Variants in ODC1 observed in about 807,000 individuals in gnomAD.
ODC1 encodes the protein ornithine decarboxylase 1, also known as ornithine decarboxylase.
In ODC1, 18 loss-of-function variants were observed where a neutral mutation model predicts 41.5. The ratio of observed to expected loss-of-function variants is 0.43; its 90% CI spans 0.30 to 0.64. The LOEUF is 0.64. ODC1 is among the 30% of genes least tolerant of loss of function. ODC1 has a pLI of 0.11. For synonymous variants in ODC1, 218 were observed against 211.6 expected (o/e 1.03, Z -0.26); for missense variants, 504 against 589.0 (o/e 0.86, Z 1.49).
rs1310325017 is a variant in ODC1 at position 10,442,014 on chromosome 2, T to G, written c.911A>C (p.Asp304Ala). 1.2e-6 allele frequency: 2 copies of G among 1,613,476 alleles called. No homozygotes were observed. Among genetic ancestry groups the G allele is most frequent in the Non-Finnish European group, 1.7e-6 (2 of 1,179,530 alleles). Reference sequence around the variant, plus strand: ...AGTGATTCGTCCTTTATACATACCATCAGAGCCCGTCTGTTCCTTTAATAC... The same window carrying G: ...AGTGATTCGTCCTTTATACATACCAGCAGAGCCCGTCTGTTCCTTTAATAC... ...KIVLKEQTGS[D>A]DEDESSEQTF... The change falls in exon 9 of 12, where the codon GAT becomes GCT. Residue 304 changes from aspartate (D) to alanine (A), a missense_variant and splice_region_variant. Asp to Ala is a moderately radical substitution (Grantham distance 126, BLOSUM62 -2). Coordinates refer to ENST00000234111, the MANE Select transcript of ODC1 (RefSeq NM_002539.3).
Position 10,444,923 on chromosome 2 carries a change from A to G in ODC1, c.102+8T>C, listed in dbSNP as rs1428399750. 1 of 1,598,502 alleles carries G rather than the reference A, an allele frequency of 6.3e-7. No homozygotes were observed. The highest frequency in any genetic ancestry group is 1.7e-5 in the Admixed American group (1 of 59,954). Reference sequence around the variant, plus strand: ...GCTGCACTGCCAGCATGGGCCTCATATACTTACAGAAGAAGAAACTTCATT... The same window carrying G: ...GCTGCACTGCCAGCATGGGCCTCATGTACTTACAGAAGAAGAAACTTCATT... On this transcript the variant is annotated splice_region_variant and intron_variant, in intron 3 of 11. Coordinates refer to ENST00000234111, the MANE Select transcript of ODC1 (RefSeq NM_002539.3).
chr2:10,447,006 A>C (rs1478825191), intron 1 of ODC1, among the ~76,000 whole-genome samples: 2 of 152,196 alleles, frequency 1.3e-5, no homozygotes, highest in African/African-American at 4.8e-5. Context: ...TATATGAAGA[A>C]TATTTACAAT....
chr2:10,442,020 C>T lies in ODC1; in HGVS notation c.905G>A (p.Gly302Asp), dbSNP rs780337355. Residue 302 changes from glycine (G) to aspartate (D), a missense_variant, in exon 9 of 12, where the codon GGC becomes GAC. Physicochemically the swap from Gly to Asp is moderately conservative, Grantham distance 94 (BLOSUM62 -1). Coordinates refer to ENST00000234111, the MANE Select transcript of ODC1 (RefSeq NM_002539.3). ...AKKIVLKEQT[G>D]SDDEDESSEQ... ...TCGTCCTTTATACATACCATCAGAG[C>T]CCGTCTGTTCCTTTAATACAATTTT... 15 of 1,613,332 alleles carry T rather than the reference C, an allele frequency of 9.3e-6. No homozygotes were observed. Among genetic ancestry groups the T allele is most frequent in the Non-Finnish European group, 1.1e-5 (13 of 1,179,570 alleles).
At chr2:10,441,288 G>A (rs1454083291) in intron 11 of ODC1, among the ~76,000 whole-genome samples, 1 of 152,148 alleles carries the variant, frequency 6.6e-6, no homozygotes, top group Non-Finnish European at 1.5e-5. Context: ...TTCAGTCACC[G>A]TTTTGGTAAT....
intron 1 of ODC1, among the ~76,000 whole-genome samples, chr2:10,446,500 C>T (rs1323573563): frequency 6.6e-6 from 1 of 152,240 alleles, no homozygotes; most frequent in African/African-American, 2.4e-5. Flanking sequence ...GGAATGCCAA[C>T]TGTCCTTACA....
In ODC1 at chr2:10,440,604, G is replaced by A. The variant is rs569903673; in HGVS notation, c.*120C>T. 10 of 946,982 alleles carry A rather than the reference G, an allele frequency of 1.1e-5. No individual in the cohort carries two copies. The highest frequency in any genetic ancestry group is 1.6e-5 in the Non-Finnish European group (10 of 634,496). 58.7% of individuals were successfully genotyped at this position (946,982 alleles called of 1,614,324 possible). A position where few individuals can be genotyped will look rare whatever the true frequency, so the allele number is the denominator to read the frequency against. On this transcript the variant is annotated 3_prime_UTR_variant, in exon 12 of 12. Coordinates refer to ENST00000234111, the MANE Select transcript of ODC1 (RefSeq NM_002539.3). Reference sequence around the variant, plus strand: ...CCATATCCTAGTCTTCCATATGGCTGCATCATGGCGACCCTACTCTTACAA... The same window carrying A: ...CCATATCCTAGTCTTCCATATGGCTACATCATGGCGACCCTACTCTTACAA...
At chr2:10,446,031 A>G (rs1199226042) in intron 1 of ODC1, among the ~76,000 whole-genome samples, 2 of 152,074 alleles carry the variant, frequency 1.3e-5, no homozygotes, top group Non-Finnish European at 2.9e-5. Flanking sequence ...TTACGAGTTA[A>G]TTTTCATGTA....
At position 10,444,276 on chromosome 2, in the gene ODC1, G is replaced by GA; in HGVS notation, c.277-10dup. The GA allele has an allele frequency of 2.6e-6, 4 of 1,566,426 alleles. No individual in the cohort carries two copies. Among genetic ancestry groups the GA allele is most frequent in the Non-Finnish European group, 3.4e-6 (4 of 1,159,822 alleles). Reference sequence around the variant, plus strand: ...ACCAACTGTATTTCAGTCTGAAAAAGAAGAGTGGTGTCATGCTATCCATAT... The same window carrying GA: ...ACCAACTGTATTTCAGTCTGAAAAAGAAAGAGTGGTGTCATGCTATCCATAT... On this transcript the variant is annotated splice_polypyrimidine_tract_variant and intron_variant, in intron 4 of 11. Transcript: ENST00000234111.
intron 1 of ODC1, among the ~76,000 whole-genome samples, chr2:10,447,048 C>A (rs1672043104): frequency 6.6e-6 from 1 of 152,114 alleles, no homozygotes; most frequent in Admixed American, 6.5e-5. Flanking sequence ...CAGTCTCGGA[C>A]TGGGTCATTT....
chr2:10,441,703 CT>C lies in ODC1; in HGVS notation c.1046del (p.Lys349SerfsTer60). Reference sequence around the variant, plus strand: ...GTCCCCATATGCTGGATGAATAATACTTCTCATCTGGTTTAGGTCTCTATAT... The same window carrying C: ...GTCCCCATATGCTGGATGAATAATACTCTCATCTGGTTTAGGTCTCTATAT... Reference protein sequence around the residue: ...LLQKRPKPDEKYYSSSIWGPT... With the variant: ...LLQKRPKPDEXYYSSSIWGPT... On this transcript the variant is annotated frameshift_variant, in exon 11 of 12. Transcript: ENST00000234111. LOFTEE classifies it high-confidence loss of function. 6.2e-7 allele frequency: 1 copy of C among 1,614,222 alleles called. No homozygotes were observed. The highest frequency in any genetic ancestry group is 8.5e-7 in the Non-Finnish European group (1 of 1,180,032).
At chr2:10,442,423 A>G (rs1476563905) in intron 8 of ODC1, among the ~76,000 whole-genome samples, 1 of 152,212 alleles carries the variant, frequency 6.6e-6, no homozygotes, top group Non-Finnish European at 1.5e-5. Context: ...TATGATTTTT[A>G]TCAAAGAACA....
rs1036170683 is a variant in ODC1 at position 10,444,971 on chromosome 2, T to G, written c.62A>C (p.Lys21Thr). The G allele has an allele frequency of 3.7e-6, 6 of 1,613,840 alleles. No homozygotes were observed. Among genetic ancestry groups the G allele is most frequent in the Non-Finnish European group, 5.1e-6 (6 of 1,179,820 alleles). Reference protein sequence around the residue: ...CHFLDEGFTAKDILDQKINEV... With the variant: ...CHFLDEGFTATDILDQKINEV... ...ATTAATTTTCTGGTCCAGAATGTCC[T>G]TGGCAGTAAAACCTTCATCGAGGAA... Residue 21 changes from lysine to threonine, a missense_variant, in exon 3 of 12, where the codon AAG becomes ACG. Transcript: ENST00000234111.
rs1671918605 is a variant in ODC1, at chr2:10,443,786, C to T, written c.500G>A (p.Ser167Asn). Reference sequence around the variant, plus strand: ...TCTGAGCGTGGCACCGAATTTCACACTGAGACGACAGACTGCTTTGGAATC... The same window carrying T: ...TCTGAGCGTGGCACCGAATTTCACATTGAGACGACAGACTGCTTTGGAATC... ...TDDSKAVCRL[S>N]VKFGATLRTS... The change falls in exon 6 of 12, where the codon AGT becomes AAT. Residue 167 changes from serine to asparagine, a missense_variant. Around this residue, in one of 3 missense-constraint regions of ODC1, gnomAD observed 447 missense variants for 524.4 expected, o/e 0.85. Coordinates refer to ENST00000234111, the MANE Select transcript of ODC1 (RefSeq NM_002539.3). The T allele has an allele frequency of 6.2e-7, 1 of 1,614,086 alleles. No individual in the cohort carries two copies. Among genetic ancestry groups the T allele is most frequent in the African/African-American group, 1.3e-5 (1 of 74,920 alleles).
chr2:10,443,098 A>C, intron 8 of ODC1, 132 bp downstream of exon 8: 1 of 722,140 alleles, frequency 1.4e-6, no homozygotes, highest in Non-Finnish European at 2.4e-6. Context: ...CAGCACAAAG[A>C]AATCACTCAA....
Position 10,442,886 on chromosome 2 carries a change from T to A in ODC1, c.750+344A>T, listed in dbSNP as rs201000268. On this transcript the variant is annotated intron_variant, in intron 8 of 11. Transcript: ENST00000234111. ...CCACCACACCAGGCTAATTTTAAAATTTTTTTTGTAGAGATGGGGTCTCAC... is the reference window on the plus strand; with the variant it reads ...CCACCACACCAGGCTAATTTTAAAAATTTTTTTGTAGAGATGGGGTCTCAC... 4.5e-3 allele frequency among the ~76,000 whole-genome samples: 498 copies of A among 110,492 alleles called. 2 individuals carry two copies. Among genetic ancestry groups the A allele is most frequent in the African/African-American group, 0.021 (480 of 22,922 alleles). The allele number at this position is 110,492 out of a possible 152,430, so 72.5% of individuals were successfully genotyped here.
chr2:10,440,946 A>G, intron 11 of ODC1, 78 bp from the exon 12 acceptor site: 4 of 1,511,526 alleles, frequency 2.6e-6, no homozygotes, highest in South Asian at 1.2e-5. Flanking sequence ...TCCCATCAGG[A>G]AACAATTCAA....
Position 10,442,000 on chromosome 2 carries a change from C to G in ODC1, c.913+12G>C, listed in dbSNP as rs754386326. The G allele has an allele frequency of 3.7e-6, 6 of 1,613,376 alleles. No individual in the cohort carries two copies. The South Asian group carries it at 5.5e-5, about 15-fold the overall frequency. ...TCAGTTATACATGAAGTGATTCGTCCTTTATACATACCATCAGAGCCCGTC... is the reference window on the plus strand; with the variant it reads ...TCAGTTATACATGAAGTGATTCGTCGTTTATACATACCATCAGAGCCCGTC... On this transcript the variant is annotated intron_variant, in intron 9 of 11. Coordinates refer to ENST00000234111, the MANE Select transcript of ODC1 (RefSeq NM_002539.3).
At position 10,440,207 on chromosome 2, in the gene ODC1, C is replaced by T. The variant is rs949062577; in HGVS notation, c.*517G>A. The stretch of plus-strand genomic sequence containing the variant: ...CAAGGAGTTTGCAGCCAACTCTGGA[C>T]ATGTGGGGTGGGCTGAGCAGATGTG... On this transcript the variant is annotated 3_prime_UTR_variant, in exon 12 of 12. Transcript: ENST00000234111. 6.5e-6 allele frequency: 1 copy of T among 153,138 alleles called. No homozygotes were observed. The highest frequency in any genetic ancestry group is 1.5e-5 in the Non-Finnish European group (1 of 68,728). The allele number at this position is 153,138 out of a possible 1,614,324, so 9.5% of individuals were successfully genotyped here.
intron 1 of ODC1, chr2:10,447,695 C>T (rs1411802235): frequency 6.6e-6 from 1 of 152,312 alleles, no homozygotes; most frequent in Non-Finnish European, 1.5e-5. Context: ...TGGAAGGAAA[C>T]TGAAGGCGCC....
Sources: gnomAD v4.1 joint callset for allele counts (sites outside exome capture counted in the v4.1 genomes callset) on GRCh38, gnomAD v4.1.1 for gene constraint, gnomAD v4.1.1 regional missense constraint, MANE v1.5 for transcripts, NCBI Gene and HGNC (gene_info 2026-07-23, HGNC 2026-07-21) for gene names.